Variants in EFCAB13 observed in about 807,000 individuals in gnomAD.
EFCAB13 encodes EF-hand calcium-binding domain-containing protein 13.
A neutral mutation model predicts 110.2 loss-of-function variants in EFCAB13; 91 were observed. The ratio of observed to expected loss-of-function variants is 0.83; its 90% CI spans 0.70 to 0.98. The LOEUF is 0.98. EFCAB13 is among the 50% of genes least tolerant of loss of function. The probability of loss-of-function intolerance (pLI) is 0.00; values close to 1 mark genes in which losing one functional copy is unlikely to be tolerated. For synonymous variants in EFCAB13, 323 were observed against 369.9 expected, an observed-to-expected ratio of 0.87 and a Z score of 1.45; for missense variants, 968 against 1,119.4, an observed-to-expected ratio of 0.86 and a Z score of 1.93.
chr17:47,377,134 G>A (rs572301436), intron 12 of EFCAB13, among the ~76,000 whole-genome samples: 5 of 151,762 alleles, frequency 3.3e-5, no homozygotes, highest in Admixed American at 2.6e-4. Flanking sequence ...AAAACACTTC[G>A]GTATTTTTAT....
intron 9 of EFCAB13, among the ~76,000 whole-genome samples, chr17:47,356,433 A>G (rs2143303444): frequency 6.6e-6 from 1 of 152,200 alleles, no homozygotes; most frequent in South Asian, 2.1e-4. Flanking sequence ...TTCCTGAGAC[A>G]TAGGGCTTCC....
rs567517142 is a variant in EFCAB13 at position 47,422,584 on chromosome 17, C to T, written c.2495-7234C>T. On this transcript the variant is annotated intron_variant, in intron 23 of 24. Transcript: ENST00000331493. ...GATCAATTTAATATAATTCTATGTT[C>T]AAAAATTGTATTTCTGTATTTTGCC... 2.8e-4 allele frequency among the ~76,000 whole-genome samples: 42 copies of T among 151,992 alleles called. No individual in the cohort carries two copies. In the South Asian group the frequency reaches 8.3e-3, roughly 30 times the overall value.
At chr17:47,358,893 C>G (rs189108982) in intron 9 of EFCAB13, among the ~76,000 whole-genome samples, 1 of 152,302 alleles carries the variant, frequency 6.6e-6, no homozygotes, top group Non-Finnish European at 1.5e-5. Flanking sequence ...GAAGAAATTC[C>G]TCGGATAGCT....
At chr17:47,399,875 T>C (rs1053579476) in intron 17 of EFCAB13, among the ~76,000 whole-genome samples, 1 of 152,234 alleles carries the variant, frequency 6.6e-6, no homozygotes, top group African/African-American at 2.4e-5. Context: ...GCTTATGAGC[T>C]CTCTTGTTTC....
At chr17:47,409,735 GAT>G in intron 21 of EFCAB13, 44 bp downstream of exon 21, 1 of 1,442,924 alleles carries the variant, frequency 6.9e-7, no homozygotes, top group Non-Finnish European at 9.7e-7. Flanking sequence ...AATAATAAGA[GAT>G]ATTTTTTAGA....
At chr17:47,401,179 A>C (rs1461490857) in intron 17 of EFCAB13, among the ~76,000 whole-genome samples, 1 of 152,252 alleles carries the variant, frequency 6.6e-6, no homozygotes, top group Non-Finnish European at 1.5e-5. Context: ...TTTAAAGCTA[A>C]GGTAGATAGA....
chr17:47,435,312 C>A (rs902502269), intron 24 of EFCAB13, among the ~76,000 whole-genome samples: 18 of 152,016 alleles, frequency 1.2e-4, no homozygotes, highest in African/African-American at 4.3e-4. Flanking sequence ...CAGGGAAATG[C>A]AAATTAAAAC....
At chr17:47,369,606 C>G (rs1273873485) in intron 10 of EFCAB13, 1 of 152,560 alleles carries the variant, frequency 6.6e-6, no homozygotes, top group Non-Finnish European at 1.5e-5. Context: ...TAAAAATTTG[C>G]TTCTTCCTCT....
At chr17:47,397,265 C>T (rs1171060045) in intron 17 of EFCAB13, among the ~76,000 whole-genome samples, 1 of 152,226 alleles carries the variant, frequency 6.6e-6, no homozygotes, top group Non-Finnish European at 1.5e-5. Context: ...CCGCCAGCCT[C>T]GGCCTCCCGG....
intron 12 of EFCAB13, among the ~76,000 whole-genome samples, chr17:47,375,400 C>T (rs1748521133): frequency 6.6e-6 from 1 of 152,082 alleles, no homozygotes; most frequent in Non-Finnish European, 1.5e-5. Flanking sequence ...AAGTGATCCT[C>T]CCACCTCCTC....
intron 3 of EFCAB13, among the ~76,000 whole-genome samples, chr17:47,326,879 C>A (rs2065288854): frequency 6.6e-6 from 1 of 152,024 alleles, no homozygotes; most frequent in Non-Finnish European, 1.5e-5. Flanking sequence ...TGACTATAAA[C>A]ATATGTCAGA....
At chr17:47,348,383 T>A (rs1390028182) in intron 9 of EFCAB13, among the ~76,000 whole-genome samples, 1 of 152,138 alleles carries the variant, frequency 6.6e-6, no homozygotes, top group African/African-American at 2.4e-5. Context: ...TTACCTTGAA[T>A]CCTATATTCA....
intron 23 of EFCAB13, 148 bp from the exon 24 acceptor site, chr17:47,429,670 C>A: frequency 2.0e-6 from 2 of 1,017,908 alleles, no homozygotes; most frequent in Non-Finnish European, 2.7e-6. Context: ...GTAATACACT[C>A]TGGTTTTTAA....
rs2143535717 is a variant in EFCAB13, at chr17:47,440,839, A to G, written c.*125A>G. On this transcript the variant is annotated 3_prime_UTR_variant, in exon 25 of 25. Transcript: ENST00000331493. ...TGACAAATCCAGTAGAATTTTTATC[A>G]CTATCTGTTATGTTCTCATGTATCT... is the stretch of plus-strand genomic sequence containing the variant. The G allele has an allele frequency of 5.3e-6, 4 of 757,640 alleles. No individual in the cohort carries two copies. The East Asian group carries it at 8.9e-5, about 17-fold the overall frequency. The allele number at this position is 757,640 out of a possible 1,614,324, so 46.9% of individuals were successfully genotyped here.
intron 20 of EFCAB13, chr17:47,409,350 C>A: frequency 3.5e-6 from 1 of 288,280 alleles, no homozygotes; most frequent in Non-Finnish European, 6.6e-6. Flanking sequence ...TTGAATAGAC[C>A]GGCTGGGGAT....
intron 20 of EFCAB13, among the ~76,000 whole-genome samples, chr17:47,407,140 ATGAGGAATGAAGGGGACTT>A (rs1164613186): frequency 6.6e-6 from 1 of 152,158 alleles, no homozygotes; most frequent in African/African-American, 2.4e-5. Context: ...AGGAGGAGTT[ATGAGGAATGAAGGGGACTT>A]TACTGAAATG....
intron 10 of EFCAB13, among the ~76,000 whole-genome samples, chr17:47,366,387 G>T (rs2065546244): frequency 6.6e-6 from 1 of 152,018 alleles, no homozygotes; most frequent in African/African-American, 2.4e-5. Flanking sequence ...GACTAGTGCA[G>T]TTTTTGCTAG....
At chr17:47,428,356 T>A (rs1357811945) in intron 23 of EFCAB13, among the ~76,000 whole-genome samples, 1 of 152,022 alleles carries the variant, frequency 6.6e-6, no homozygotes, top group Non-Finnish European at 1.5e-5. Flanking sequence ...TTGCATTAGG[T>A]TCCAAAGTAA....
At chr17:47,330,831 C>A (rs1418813156) in intron 4 of EFCAB13, among the ~76,000 whole-genome samples, 3 of 151,520 alleles carry the variant, frequency 2.0e-5, no homozygotes, top group Non-Finnish European at 2.9e-5. Context: ...AGTGGGTTTG[C>A]TGGATTGAAC....
Sources: gnomAD v4.1 joint callset for allele counts (sites outside exome capture counted in the v4.1 genomes callset) on GRCh38, gnomAD v4.1.1 for gene constraint, MANE v1.5 for transcripts, NCBI Gene and HGNC (gene_info 2026-07-23, HGNC 2026-07-21) for gene names.